The following ELF4 variants were observed in gnomAD, a reference collection of about 807,000 sequenced individuals.
ELF4 encodes E74 like ETS transcription factor 4.
A neutral mutation model predicts 31.7 loss-of-function variants in ELF4; 10 were observed. The ratio of observed to expected loss-of-function variants is 0.32; its 90% CI spans 0.19 to 0.54. The LOEUF (loss-of-function observed/expected upper bound fraction) is 0.54, where lower values mean the gene tolerates loss of function less well. Among genes scored for constraint, ELF4 ranks in the 20% least tolerant of loss-of-function variants. ELF4 has a pLI of 0.95. For synonymous variants in ELF4, 208 were observed against 226.7 expected (o/e 0.92, Z 0.74); for missense variants, 418 against 522.0 (o/e 0.80, Z 1.94).
intron 1 of ELF4, among the ~76,000 whole-genome samples, chrX:130,095,032 G>C (rs1933125975): frequency 8.9e-6 from 1 of 111,787 alleles, no homozygotes; most frequent in South Asian, 3.7e-4. Context: ...AGGGGCAGTG[G>C]GGCGTGGGTG....
intron 1 of ELF4, among the ~76,000 whole-genome samples, chrX:130,091,111 C>T (rs1025957269): frequency 4.5e-5 from 5 of 112,068 alleles, no homozygotes; most frequent in Non-Finnish European, 9.4e-5. Context: ...TGAATAAATT[C>T]ACCAAGTTCA....
intron 2 of ELF4, among the ~76,000 whole-genome samples, chrX:130,078,439 T>C (rs1379521836): frequency 9.2e-6 from 1 of 109,247 alleles, no homozygotes; most frequent in African/African-American, 3.3e-5. Context: ...TGGGCAACAT[T>C]GTGAGACCCC....
At chrX:130,067,720 C>A (rs960882466) in intron 8 of ELF4, among the ~76,000 whole-genome samples, 195 bp from the exon 9 acceptor site, 4 of 112,178 alleles carry the variant, frequency 3.6e-5, no homozygotes, top group Admixed American at 9.4e-5. Context: ...CTGCTCACTG[C>A]AGCCTTGAAG....
chrX:130,099,009 C>T (rs1328730119), intron 1 of ELF4, among the ~76,000 whole-genome samples: 1 of 112,445 alleles, frequency 8.9e-6, no homozygotes, highest in African/African-American at 3.2e-5. Flanking sequence ...CATTTAAGAT[C>T]AAAAGTCATA....
chrX:130,075,378 G>A (rs1932825427), intron 2 of ELF4, among the ~76,000 whole-genome samples: 1 of 108,942 alleles, frequency 9.2e-6, no homozygotes, highest in Non-Finnish European at 1.9e-5. Context: ...CTGGGTTCAC[G>A]CCATTCTCCT....
At chrX:130,071,462 G>C (rs1487046322) in intron 5 of ELF4, 43 bp from the exon 6 acceptor site, 1 of 1,168,598 alleles carries the variant, frequency 8.6e-7, no homozygotes, top group South Asian at 1.8e-5. Context: ...GCTCCCAAGA[G>C]AGGGCCCGGG....
chrX:130,071,534 C>G, intron 5 of ELF4, 115 bp from the exon 6 acceptor site: 2 of 694,063 alleles, frequency 2.9e-6, no homozygotes, highest in East Asian at 6.8e-5. Flanking sequence ...GGGCTGGAGG[C>G]CCCAGATCGC....
chrX:130,071,442 A>G (rs1263015034), intron 5 of ELF4, 23 bp from the exon 6 acceptor site: 2 of 1,202,728 alleles, frequency 1.7e-6, no homozygotes. Flanking sequence ...GGTGAGTAGG[A>G]TGAGGAGCAG....
At chrX:130,086,380 C>T (rs1403375661) in intron 1 of ELF4, among the ~76,000 whole-genome samples, 1 of 112,144 alleles carries the variant, frequency 8.9e-6, no homozygotes. Context: ...ACAGCCCCCG[C>T]TCTCACACCC....
intron 1 of ELF4, among the ~76,000 whole-genome samples, chrX:130,090,673 G>T (rs1191389951): frequency 8.9e-6 from 1 of 112,200 alleles, no homozygotes; most frequent in Non-Finnish European, 1.9e-5. Flanking sequence ...CCAAAGCAGG[G>T]GTTCATAAAC....
rs756180544 is a variant in ELF4 at position 130,071,049 on chromosome X, C to T, written c.800G>A (p.Arg267Gln). Reference protein sequence around the residue: ...KPDMNYETMGRALRYYYQRGI... With the variant: ...KPDMNYETMGQALRYYYQRGI... Reference sequence around the variant, plus strand: ...TCCCAACAGCTCCTACCTTAGTGCCCGCCCCATTGTCTCATAGTTCATGTC... The same window carrying T: ...TCCCAACAGCTCCTACCTTAGTGCCTGCCCCATTGTCTCATAGTTCATGTC... Residue 267 changes from arginine to glutamine, a missense_variant, in exon 7 of 9, where the codon CGG (arginine) becomes CAG (glutamine). Physicochemically the swap from Arg to Gln is conservative, Grantham distance 43. Around this residue, in one of 4 missense-constraint regions of ELF4, gnomAD observed 35 missense variants for 84.0 expected, o/e 0.42. Coordinates refer to ENST00000308167, the MANE Select transcript of ELF4 (RefSeq NM_001421.4). 8.3e-7 allele frequency: 1 copy of T among 1,211,749 alleles called. No homozygotes were observed.
rs946310493 is a variant in ELF4 at position 130,063,972 on chromosome X, T to A, written c.*2749A>T. On this transcript the variant is annotated 3_prime_UTR_variant, in exon 9 of 9. Coordinates refer to ENST00000308167, the MANE Select transcript of ELF4 (RefSeq NM_001421.4). Reference sequence around the variant, plus strand: ...TGACGGCCTTTTTGTTTGCTTGATTTTTATTATTATTATTATTATTATTAT... The same window carrying A: ...TGACGGCCTTTTTGTTTGCTTGATTATTATTATTATTATTATTATTATTAT... Among the ~76,000 whole-genome samples the A allele has an allele frequency of 1.3e-4, 12 of 93,327 alleles. No homozygotes were observed. The highest frequency in any genetic ancestry group is 2.3e-4 in the Non-Finnish European group (11 of 47,856). The allele number at this position is 93,327 out of a possible 115,157, so 81.0% of individuals were successfully genotyped here.
intron 1 of ELF4, among the ~76,000 whole-genome samples, chrX:130,088,107 G>A (rs769607832): frequency 9.0e-6 from 1 of 111,193 alleles, no homozygotes; most frequent in Non-Finnish European, 1.9e-5. Flanking sequence ...GGGCAGTTTG[G>A]TCTGGGTATA....
chrX:130,101,429 A>G (rs769477971), intron 1 of ELF4, among the ~76,000 whole-genome samples: 8 of 112,427 alleles, frequency 7.1e-5, no homozygotes, highest in Admixed American at 1.9e-4. Context: ...TAGGCTAAGA[A>G]TATCAATTAA....
rs753536141 is a variant in ELF4, at chrX:130,067,172, G to A, written c.1541C>T (p.Ser514Phe). The change falls in exon 9 of 9, where the codon TCT (serine) becomes TTT (phenylalanine). Residue 514 changes from serine to phenylalanine, a missense_variant. Physicochemically the swap from Ser to Phe is radical, Grantham distance 155. Coordinates refer to ENST00000308167, the MANE Select transcript of ELF4 (RefSeq NM_001421.4). ...AGCAATGACAGTCCCAGGGGGCTGAGAGCTGGGCCCTGCTGGTCCAGCCCC... is the reference window on the plus strand; with the variant it reads ...AGCAATGACAGTCCCAGGGGGCTGAAAGCTGGGCCCTGCTGGTCCAGCCCC... ...VTGAGPAGPS[S>F]QPPGTVIAAF... is the part of the protein sequence containing the mutation. 1 of 1,204,790 alleles carries A rather than the reference G, an allele frequency of 8.3e-7. No individual in the cohort carries two copies. Among genetic ancestry groups the A allele is most frequent in the Admixed American group, 2.2e-5 (1 of 45,517 alleles).
At chrX:130,097,093 T>G (rs1373371825) in intron 1 of ELF4, among the ~76,000 whole-genome samples, 1 of 103,353 alleles carries the variant, frequency 9.7e-6, no homozygotes, top group African/African-American at 3.6e-5. Context: ...GGCCAGGGGT[T>G]TGAGACAAGC....
rs1932608547 is a variant in ELF4, at chrX:130,063,974, TA to T, written c.*2746del. 8.4e-5 allele frequency among the ~76,000 whole-genome samples: 4 copies of T among 47,834 alleles called. No homozygotes were observed. In the African/African-American group the frequency reaches 9.5e-4, roughly 11 times the overall value. The allele number at this position is 47,834 out of a possible 115,157, so 41.5% of individuals were successfully genotyped here. A position where few individuals can be genotyped will look rare whatever the true frequency, so the allele number is the denominator to read the frequency against. On this transcript the variant is annotated 3_prime_UTR_variant, in exon 9 of 9. Coordinates refer to ENST00000308167, the MANE Select transcript of ELF4 (RefSeq NM_001421.4). ...ACGGCCTTTTTGTTTGCTTGATTTT[TA>T]TTATTATTATTATTATTATTATTAT...
At chrX:130,108,748 CCA>C (rs1271208877) in intron 1 of ELF4, among the ~76,000 whole-genome samples, 1 of 109,999 alleles carries the variant, frequency 9.1e-6, no homozygotes, top group African/African-American at 3.3e-5. Flanking sequence ...TGCAAACAAG[CCA>C]CTCCTTCGGC....
Position 130,081,556 on chromosome X carries a change from G to C in ELF4, c.-209-17C>G, listed in dbSNP as rs1932888941. On this transcript the variant is annotated splice_polypyrimidine_tract_variant and intron_variant, in intron 1 of 8. Transcript: ENST00000308167. ...AGGAGCGACCTAGAGAGAAGGGAGA[G>C]ATGGGGACAGTGAGTAAGTCACCTT... is the stretch of plus-strand genomic sequence containing the variant. The C allele has an allele frequency of 2.3e-6, 1 of 442,256 alleles. No individual in the cohort carries two copies. Among genetic ancestry groups the C allele is most frequent in the Admixed American group, 3.5e-5 (1 of 28,288 alleles). 36.4% of individuals were successfully genotyped at this position (442,256 alleles called of 1,213,427 possible).
Sources: allele counts gnomAD v4.1 joint callset (sites outside exome capture counted in the v4.1 genomes callset), GRCh38; gene constraint gnomAD v4.1.1; regional missense constraint gnomAD v4.1.1; transcripts MANE v1.5; gene names NCBI Gene and HGNC (gene_info 2026-07-23, HGNC 2026-07-21).